Variants in CLIP2 observed in about 807,000 individuals in gnomAD.
The protein encoded by CLIP2 is CAP-Gly domain-containing linker protein 2.
Under a neutral mutation model 111.7 loss-of-function variants are expected in CLIP2, and 41 were observed. That is an observed-to-expected ratio of 0.37 (90% CI 0.29 to 0.48). The LOEUF is 0.48. Among genes scored for constraint, CLIP2 ranks in the 20% least tolerant of loss-of-function variants. The pLI is 0.99. For synonymous variants in CLIP2, 660 were observed against 644.2 expected, an observed-to-expected ratio of 1.02 and a Z score of -0.37; for missense variants, 1,160 against 1,422.1, an observed-to-expected ratio of 0.82 and a Z score of 2.96.
intron 11 of CLIP2, among the ~76,000 whole-genome samples, chr7:74,382,545 C>T (rs1404305796): frequency 6.7e-6 from 1 of 149,762 alleles, no homozygotes; most frequent in Admixed American, 6.7e-5. Context: ...AACTCCTGAC[C>T]TCATGATCCT....
intron 3 of CLIP2, among the ~76,000 whole-genome samples, chr7:74,351,757 A>T (rs1162261576): frequency 4.6e-5 from 7 of 152,118 alleles, no homozygotes; most frequent in African/African-American, 1.7e-4. Context: ...AACCGCTTGA[A>T]CCTGGGAGGC....
chr7:74,302,341 A>G (rs1430108964), intron 1 of CLIP2, among the ~76,000 whole-genome samples: 1 of 151,618 alleles, frequency 6.6e-6, no homozygotes, highest in African/African-American at 2.4e-5. Context: ...TCAGCCTCCC[A>G]AGTAGCAGGG....
At chr7:74,311,933 G>GAAAGAA (rs1564031186) in intron 1 of CLIP2, among the ~76,000 whole-genome samples, 1 of 37,342 alleles carries the variant, frequency 2.7e-5, no homozygotes, top group Non-Finnish European at 9.8e-5. Flanking sequence ...AAAAAAAAAA[G>GAAAGAA]AAAGAAAGAA....
At chr7:74,315,955 G>A (rs957992337) in intron 1 of CLIP2, among the ~76,000 whole-genome samples, 1 of 151,046 alleles carries the variant, frequency 6.6e-6, no homozygotes, top group Non-Finnish European at 1.5e-5. Context: ...CGTGTGCCAT[G>A]GTGGTTTGCT....
chr7:74,315,590 A>T (rs1788748787), intron 1 of CLIP2, among the ~76,000 whole-genome samples: 1 of 148,728 alleles, frequency 6.7e-6, no homozygotes, highest in South Asian at 2.1e-4. Context: ...TTTTTTTTTG[A>T]GATGGAGCCT....
intron 11 of CLIP2, among the ~76,000 whole-genome samples, chr7:74,385,003 G>A (rs13243395): frequency 0.16 from 24,814 of 151,022 alleles, 2,220 homozygotes; most frequent in Middle Eastern, 0.19. Flanking sequence ...TAGGCTAGGC[G>A]CGGTGGCTCA....
chr7:74,352,713 AT>A (rs71094779), intron 3 of CLIP2, among the ~76,000 whole-genome samples: 1 of 149,482 alleles, frequency 6.7e-6, no homozygotes, highest in Non-Finnish European at 1.5e-5. Flanking sequence ...AAAAAAAAAA[AT>A]TTTTAGATAT....
Position 74,390,134 on chromosome 7 carries a change from GAGAA to G in CLIP2, c.2720+889_2720+892del, listed in dbSNP as rs1554315549. On this transcript the variant is annotated intron_variant, in intron 13 of 16. Transcript: ENST00000223398. ...AAGAAAGAAAGAAAAGAGAGAGAGA[GAGAA>G]AGAAAGAAAGAAAAAGAAAGAAAGA... Among the ~76,000 whole-genome samples the G allele has an allele frequency of 1.7e-4, 18 of 103,282 alleles. 1 individual carries two copies. The highest frequency in any genetic ancestry group is 3.3e-4 in the South Asian group (1 of 3,042). 67.8% of individuals were successfully genotyped at this position (103,282 alleles called of 152,430 possible). A position where few individuals can be genotyped will look rare whatever the true frequency, so the allele number is the denominator to read the frequency against.
chr7:74,339,512 A>T (rs1789594265), intron 3 of CLIP2, among the ~76,000 whole-genome samples: 1 of 151,718 alleles, frequency 6.6e-6, no homozygotes, highest in Non-Finnish European at 1.5e-5. Flanking sequence ...CACCATGTTG[A>T]CCAGACTGGT....
chr7:74,367,089 C>A (rs1765324107), intron 8 of CLIP2, among the ~76,000 whole-genome samples: 1 of 152,140 alleles, frequency 6.6e-6, no homozygotes, highest in Non-Finnish European at 1.5e-5. Context: ...ATTTAGGGCC[C>A]ACTCTAATCC....
intron 8 of CLIP2, among the ~76,000 whole-genome samples, chr7:74,370,331 C>T (rs1419303159): frequency 6.6e-6 from 1 of 151,322 alleles, no homozygotes; most frequent in Non-Finnish European, 1.5e-5. Flanking sequence ...TGGCGGGCGC[C>T]TGCAGTCCCA....
At chr7:74,374,721 G>A (rs1440699681) in intron 9 of CLIP2, among the ~76,000 whole-genome samples, 3 of 151,428 alleles carry the variant, frequency 2.0e-5, no homozygotes, top group East Asian at 1.9e-4. Context: ...ACTCCATCTC[G>A]AAAAAAACAA....
chr7:74,403,500 C>A (rs1791681535), intron 16 of CLIP2, among the ~76,000 whole-genome samples: 1 of 152,126 alleles, frequency 6.6e-6, no homozygotes, highest in Non-Finnish European at 1.5e-5. Flanking sequence ...ACCAGGGAGT[C>A]GAAGGTTGCA....
At chr7:74,304,085 T>C (rs917560943) in intron 1 of CLIP2, among the ~76,000 whole-genome samples, 8 of 151,748 alleles carry the variant, frequency 5.3e-5, no homozygotes, top group Non-Finnish European at 1.2e-4. Context: ...GGCTAATTTT[T>C]TTTTTTTAAT....
chr7:74,371,266 A>AT, intron 8 of CLIP2, among the ~76,000 whole-genome samples: 1 of 147,708 alleles, frequency 6.8e-6, no homozygotes. Context: ...AAAAAAAAAA[A>AT]GGTTGAGGGG....
chr7:74,359,247 G>A (rs1554309213), intron 6 of CLIP2, among the ~76,000 whole-genome samples: 1 of 149,946 alleles, frequency 6.7e-6, no homozygotes, highest in African/African-American at 2.5e-5. Context: ...GGGATTACAT[G>A]TGTGAGCCAC....
Position 74,404,148 on chromosome 7 carries a change from G to A in CLIP2, c.*300G>A, listed in dbSNP as rs1228411207. ...TTGTCAGTGGAGGCAGAGGGGATCC[G>A]GCCAGGCCCCTCTGTCCAGAAGGAG... On this transcript the variant is annotated 3_prime_UTR_variant, in exon 17 of 17. Coordinates refer to ENST00000223398, the MANE Select transcript of CLIP2 (RefSeq NM_003388.5). 2 of 431,382 alleles carry A rather than the reference G, an allele frequency of 4.6e-6. No homozygotes were observed. Among genetic ancestry groups the A allele is most frequent in the South Asian group, 2.3e-5 (1 of 42,556 alleles). 26.7% of individuals were successfully genotyped at this position (431,382 alleles called of 1,614,324 possible). A position where few individuals can be genotyped will look rare whatever the true frequency, so the allele number is the denominator to read the frequency against.
chr7:74,403,898 G>A lies in CLIP2; in HGVS notation c.*50G>A, dbSNP rs200524014. 1.5e-4 allele frequency: 239 copies of A among 1,605,852 alleles called. No homozygotes were observed. The African/African-American group carries it at 2.5e-3, about 17-fold the overall frequency. On this transcript the variant is annotated 3_prime_UTR_variant, in exon 17 of 17. Coordinates refer to ENST00000223398, the MANE Select transcript of CLIP2 (RefSeq NM_003388.5). ...CCCAGTCCACACCAGAGCCCCACGC[G>A]GCTGCCCGGCAGTACCTCCTCCAGG...
In CLIP2 at chr7:74,376,759, G is replaced by C. The variant is rs782391468; in HGVS notation, c.2358G>C (p.Lys786Asn). 3.1e-6 allele frequency: 5 copies of C among 1,611,692 alleles called. No individual in the cohort carries two copies. The highest frequency in any genetic ancestry group is 4.2e-6 in the Non-Finnish European group (5 of 1,179,476). The change falls in exon 10 of 17, where the codon AAG (lysine) becomes AAC (asparagine). Residue 786 changes from lysine to asparagine, a missense_variant. Lys to Asn is a moderately conservative substitution (Grantham distance 94). This residue lies in a region of CLIP2 where 676 missense variants were observed against 777.8 expected (regional missense o/e 0.87). Coordinates refer to ENST00000223398, the MANE Select transcript of CLIP2 (RefSeq NM_003388.5). The surrounding 1 kb of genome is among the most constrained non-coding windows in gnomAD (Gnocchi z 7.1). ...GKQEVESLREKLLVAENRLQA... is the reference protein window; with the variant it reads ...GKQEVESLRENLLVAENRLQA... The stretch of plus-strand genomic sequence containing the variant: ...AGGAGGTCGAGAGTTTGCGGGAGAA[G>C]CTCCTGGTGGCTGAGAACAGACTCC...
Sources: allele counts gnomAD v4.1 joint callset (sites outside exome capture counted in the v4.1 genomes callset), GRCh38; gene constraint gnomAD v4.1.1; regional missense constraint gnomAD v4.1.1; non-coding constraint Gnocchi (gnomAD v3.1); transcripts MANE v1.5; gene names NCBI Gene and HGNC (gene_info 2026-07-23, HGNC 2026-07-21).